The following PDE1C variants were observed in gnomAD, a reference collection of about 807,000 sequenced individuals.
PDE1C encodes the protein phosphodiesterase 1C.
PDE1C carries 62 observed loss-of-function variants against 93.1 expected under a neutral mutation model. The ratio of observed to expected loss-of-function variants is 0.67; its 90% confidence interval spans 0.54 to 0.82. PDE1C has a LOEUF of 0.82. PDE1C is among the 40% of genes least tolerant of loss of function. PDE1C has a pLI of 0.00. For missense variants in PDE1C, 742 were observed against 884.6 expected (o/e 0.84, Z 2.04); for synonymous variants, 325 against 310.1 (o/e 1.05, Z -0.50).
At chr7:32,376,985 C>T (rs927712903) in intron 1 of PDE1C, among the ~76,000 whole-genome samples, 2 of 152,116 alleles carry the variant, frequency 1.3e-5, no homozygotes, top group African/African-American at 2.4e-5. Context: ...CAGCGCTCGG[C>T]CGACTTCCCC....
chr7:31,871,129 G>C (rs2128858680), intron 6 of PDE1C, among the ~76,000 whole-genome samples: 1 of 151,768 alleles, frequency 6.6e-6, no homozygotes, highest in East Asian at 1.9e-4. Context: ...CTTACAGAAA[G>C]GACCCCTTCT....
At chr7:31,996,849 A>G (rs1183890722) in intron 2 of PDE1C, among the ~76,000 whole-genome samples, 2 of 152,232 alleles carry the variant, frequency 1.3e-5, no homozygotes, top group Non-Finnish European at 1.5e-5. Flanking sequence ...AGACAGCAAT[A>G]AGAAATTCTA....
chr7:31,931,449 C>T (rs1804241619), intron 2 of PDE1C, among the ~76,000 whole-genome samples: 1 of 152,120 alleles, frequency 6.6e-6, no homozygotes, highest in South Asian at 2.1e-4. Flanking sequence ...CAATAGCAGA[C>T]AAACAGAGAG....
chr7:32,061,121 G>C (rs895179601), intron 1 of PDE1C, among the ~76,000 whole-genome samples: 2 of 152,098 alleles, frequency 1.3e-5, no homozygotes, highest in Non-Finnish European at 2.9e-5. Context: ...ATTTTCTTTG[G>C]TTGGAATCTG....
At chr7:32,393,048 C>CAAAAAA (rs35905868) in intron 1 of PDE1C, among the ~76,000 whole-genome samples, 2 of 48,500 alleles carry the variant, frequency 4.1e-5, no homozygotes, top group Non-Finnish European at 3.6e-5. Context: ...GACTCTGTCT[C>CAAAAAA]AAAAAAAAAA....
At chr7:31,663,040 A>C in the PDE1C span, among the ~76,000 whole-genome samples, 1 of 152,134 alleles carries the variant, frequency 6.6e-6, no homozygotes, top group Non-Finnish European at 1.5e-5. Context: ...ATTCCTTTTC[A>C]AACCCTGTAT....
chr7:31,666,688 G>A, the PDE1C span, among the ~76,000 whole-genome samples: 34 of 152,186 alleles, frequency 2.2e-4, no homozygotes, highest in Non-Finnish European at 4.7e-4. Flanking sequence ...AATACATTTA[G>A]TCATATACCA....
chr7:32,376,397 T>C (rs1784432759), intron 1 of PDE1C, among the ~76,000 whole-genome samples: 2 of 152,322 alleles, frequency 1.3e-5, no homozygotes, highest in Non-Finnish European at 2.9e-5. Flanking sequence ...TCATGCTTTT[T>C]CAAATTCTCA....
rs188766587 is a variant in PDE1C at position 32,398,442 on chromosome 7, G to A, written c.310+29380C>T. On this transcript the variant is annotated intron_variant, in intron 1 of 1. Transcript: ENST00000672256. Reference sequence around the variant, plus strand: ...CTTGCTCTGTCACCCAGGGTAGAGTGCAGTGGCGCAATCTTGGCTGGCCAC... The same window carrying A: ...CTTGCTCTGTCACCCAGGGTAGAGTACAGTGGCGCAATCTTGGCTGGCCAC... Among the ~76,000 whole-genome samples, 27 of 151,662 alleles carry A rather than the reference G, an allele frequency of 1.8e-4. No homozygotes were observed. In the East Asian group the frequency reaches 3.8e-3, roughly 21 times the overall value.
At chr7:31,642,147 A>G in the PDE1C span, 2 of 1,523,942 alleles carry the variant, frequency 1.3e-6, no homozygotes, top group South Asian at 2.4e-5. Context: ...TTTCCCTTTA[A>G]TAACCTCAAG....
At chr7:31,639,745 C>A in the PDE1C span, among the ~76,000 whole-genome samples, 2 of 151,988 alleles carry the variant, frequency 1.3e-5, no homozygotes, top group South Asian at 4.2e-4. Flanking sequence ...ACTGTGTTAG[C>A]CAGGCTCGTC....
intron 9 of PDE1C, among the ~76,000 whole-genome samples, chr7:31,840,120 T>G (rs2128772627): frequency 6.6e-6 from 1 of 152,324 alleles, no homozygotes; most frequent in Middle Eastern, 3.4e-3. Context: ...TATAACATTT[T>G]CAGTTTTTCT....
At chr7:32,054,097 G>A (rs1360745479) in intron 1 of PDE1C, among the ~76,000 whole-genome samples, 1 of 114,888 alleles carries the variant, frequency 8.7e-6, no homozygotes, top group Non-Finnish European at 1.8e-5. Context: ...AGTGGGAAGA[G>A]TAATAAAATT....
At chr7:31,845,581 G>A (rs187890548) in intron 9 of PDE1C, among the ~76,000 whole-genome samples, 3 of 152,192 alleles carry the variant, frequency 2.0e-5, no homozygotes, top group Non-Finnish European at 4.4e-5. Context: ...TAATGTAGAC[G>A]ATGGGTTGAT....
Position 31,899,132 on chromosome 7 carries a change from CTTTT to C in PDE1C, c.129-18276_129-18273del, listed in dbSNP as rs386409838. Among the ~76,000 whole-genome samples the C allele has an allele frequency of 4.3e-3, 367 of 85,010 alleles. 2 individuals carry two copies. The highest frequency in any genetic ancestry group is 0.015 in the African/African-American group (342 of 23,328). 55.8% of individuals were successfully genotyped at this position (85,010 alleles called of 152,430 possible). ...CTTACCAAGAGCATGGGCAGTCCCA[CTTTT>C]TTTTTTTTTTTTTTTTTTTTGAGAC... On this transcript the variant is annotated intron_variant, in intron 2 of 17. Coordinates refer to ENST00000396191, the MANE Select transcript of PDE1C (RefSeq NM_001191057.4).
chr7:32,197,567 A>G (rs983139259), intron 2 of PDE1C, among the ~76,000 whole-genome samples: 1 of 152,210 alleles, frequency 6.6e-6, no homozygotes, highest in Non-Finnish European at 1.5e-5. Flanking sequence ...TTGACTGAGG[A>G]AAGGAAAAAT....
chr7:32,165,600 A>C (rs1802196416), intron 3 of PDE1C, among the ~76,000 whole-genome samples: 1 of 152,168 alleles, frequency 6.6e-6, no homozygotes, highest in Non-Finnish European at 1.5e-5. Flanking sequence ...AGCTTATGAA[A>C]CCATCAGATC....
chr7:31,793,403 G>T (rs908882427), intron 16 of PDE1C, among the ~76,000 whole-genome samples: 4 of 151,964 alleles, frequency 2.6e-5, no homozygotes, highest in Non-Finnish European at 5.9e-5. Flanking sequence ...TTTACAGCCT[G>T]ATTCAACTAT....
At chr7:31,826,265 A>G (rs558614404) in intron 12 of PDE1C, among the ~76,000 whole-genome samples, 3 of 152,212 alleles carry the variant, frequency 2.0e-5, no homozygotes, top group Non-Finnish European at 4.4e-5. Flanking sequence ...GCTGGCATTA[A>G]TGCCCAGCAG....
Sources: allele counts gnomAD v4.1 joint callset (sites outside exome capture counted in the v4.1 genomes callset), GRCh38; gene constraint gnomAD v4.1.1; transcripts MANE v1.5; gene names NCBI Gene and HGNC (gene_info 2026-07-23, HGNC 2026-07-21).